Variants in PHF24 observed in about 807,000 individuals in gnomAD.
PHF24 encodes the protein Galpha inhibitory interacting protein.
PHF24 carries 25 observed loss-of-function variants against 42.6 expected under a neutral mutation model. The ratio of observed to expected loss-of-function variants is 0.59; its 90% CI spans 0.43 to 0.82. PHF24 has a LOEUF of 0.82. Ranked by LOEUF, PHF24 falls within the 40% of genes least tolerant of loss-of-function variation. The pLI is 0.00. For missense variants in PHF24, 470 were observed against 538.1 expected (o/e 0.87, Z 1.25); for synonymous variants, 185 against 204.8 (o/e 0.90, Z 0.83).
chr9:34,972,488 C>G (rs745628243), exon 3 of PHF24: 2 of 1,613,290 alleles, frequency 1.2e-6, no homozygotes, highest in Non-Finnish European at 8.5e-7. Context: ...GCGGAGGTGA[C>G]GGAGATGGCC....
At chr9:34,796,058 C>G in the PHF24 span, among the ~76,000 whole-genome samples, 2 of 150,966 alleles carry the variant, frequency 1.3e-5, no homozygotes, top group Non-Finnish European at 3.0e-5. Context: ...TAGAAATAGA[C>G]CTACACAAAT....
At chr9:34,868,805 T>C in the PHF24 span, among the ~76,000 whole-genome samples, 3 of 152,168 alleles carry the variant, frequency 2.0e-5, no homozygotes, top group Non-Finnish European at 2.9e-5. Context: ...GCAGGTTCGT[T>C]ACATAGGTAA....
chr9:34,730,826 C>A, the PHF24 span, among the ~76,000 whole-genome samples: 1 of 152,184 alleles, frequency 6.6e-6, no homozygotes. Context: ...CTTACCAGCT[C>A]ATGCTGAATC....
the PHF24 span, among the ~76,000 whole-genome samples, chr9:34,848,937 C>G: frequency 6.6e-6 from 1 of 152,080 alleles, no homozygotes; most frequent in African/African-American, 2.4e-5. Context: ...ATTGTGAGTT[C>G]TAGTTTGATT....
the PHF24 span, among the ~76,000 whole-genome samples, chr9:34,737,081 G>T: frequency 6.6e-6 from 1 of 152,136 alleles, no homozygotes; most frequent in East Asian, 1.9e-4. Flanking sequence ...CTATTTTAAA[G>T]TGTGTAATTC....
rs930321050 is a variant in PHF24 at position 34,971,399 on chromosome 9, T to C, written c.101T>C (p.Ile34Thr). 3.7e-6 allele frequency: 6 copies of C among 1,614,000 alleles called. No homozygotes were observed. In the African/African-American group the frequency reaches 5.3e-5, roughly 14 times the overall value. Residue 34 changes from isoleucine (I) to threonine (T), a missense_variant, in exon 2 of 8, where the codon ATC (isoleucine) becomes ACC (threonine). Coordinates refer to ENST00000242315, the Ensembl canonical transcript of PHF24. The stretch of plus-strand genomic sequence containing the variant: ...GATGGGCTGCGGGACAGGCCTTCCA[T>C]CCGACGCACAGGTGAGCTGCCAGGG...
chr9:34,764,949 C>T, the PHF24 span, among the ~76,000 whole-genome samples: 2 of 151,826 alleles, frequency 1.3e-5, no homozygotes, highest in Admixed American at 6.6e-5. Flanking sequence ...GCCTTCATTT[C>T]GTTATGTACC....
chr9:34,798,718 T>C, the PHF24 span, among the ~76,000 whole-genome samples: 1 of 152,232 alleles, frequency 6.6e-6, no homozygotes, highest in Non-Finnish European at 1.5e-5. Flanking sequence ...CATTTTTCTA[T>C]GGGTATATAC....
intron 1 of PHF24, 110 bp from the exon 2 acceptor site, chr9:34,971,185 C>T: frequency 8.2e-7 from 1 of 1,225,850 alleles, no homozygotes; most frequent in South Asian, 1.6e-5. Flanking sequence ...CCACCATGTT[C>T]TAGAAGAGGG....
At chr9:34,837,280 A>G in the PHF24 span, among the ~76,000 whole-genome samples, 1 of 152,298 alleles carries the variant, frequency 6.6e-6, no homozygotes, top group Non-Finnish European at 1.5e-5. Flanking sequence ...AGTGTAATGA[A>G]TCATGACTTG....
rs943783486 is a variant in PHF24 at position 34,958,845 on chromosome 9, C to G, written c.-5+444C>G. Among the ~76,000 whole-genome samples, 1 of 152,150 alleles carries G rather than the reference C, an allele frequency of 6.6e-6. No individual in the cohort carries two copies. Among genetic ancestry groups the G allele is most frequent in the Non-Finnish European group, 1.5e-5 (1 of 67,994 alleles). On this transcript the variant is annotated intron_variant, in intron 1 of 7. Transcript: ENST00000242315. This position sits in a 1 kb window ranked among gnomAD's most constrained non-coding sequence, Gnocchi z 4.5. ...GAAAAGGAGGACCTGAGACTGTGCC[C>G]TAGAACTGTGGGAAGCAACCTCTGA...
chr9:34,741,282 A>C, the PHF24 span, among the ~76,000 whole-genome samples: 1 of 152,224 alleles, frequency 6.6e-6, no homozygotes, highest in Non-Finnish European at 1.5e-5. Flanking sequence ...GCTGGCTACT[A>C]GACAGGTAGA....
the PHF24 span, among the ~76,000 whole-genome samples, chr9:34,690,637 C>T: frequency 6.6e-6 from 1 of 152,128 alleles, no homozygotes; most frequent in East Asian, 1.9e-4. Flanking sequence ...ACCCCAACCT[C>T]TCTCCCAGGA....
the PHF24 span, chr9:34,838,228 T>G: frequency 1.6e-6 from 1 of 620,142 alleles, no homozygotes; most frequent in Non-Finnish European, 2.9e-6. Context: ...TAAAAGTAAC[T>G]AAAGGTATGG....
the PHF24 span, among the ~76,000 whole-genome samples, chr9:34,761,058 G>A: frequency 2.6e-5 from 4 of 152,054 alleles, no homozygotes; most frequent in Non-Finnish European, 5.9e-5. Flanking sequence ...ATCTCTGGGA[G>A]GCTTGTTAAA....
chr9:34,761,564 G>T, the PHF24 span, among the ~76,000 whole-genome samples: 1 of 152,154 alleles, frequency 6.6e-6, no homozygotes, highest in Non-Finnish European at 1.5e-5. Flanking sequence ...AAAAGATGTA[G>T]AACATATATG....
the PHF24 span, among the ~76,000 whole-genome samples, chr9:34,677,389 G>GTTTTTTTTTTTTTTTTTTTTT: frequency 6.4e-4 from 51 of 79,770 alleles, 3 homozygotes; most frequent in African/African-American, 8.6e-4. Flanking sequence ...TTTGTAAACT[G>GTTTTTTTTTTTTTTTTTTTTT]TTTTTTTTTT....
At chr9:34,822,014 T>G in the PHF24 span, among the ~76,000 whole-genome samples, 4 of 152,354 alleles carry the variant, frequency 2.6e-5, no homozygotes, top group East Asian at 1.9e-4. Flanking sequence ...TCAAGTAGTA[T>G]TATTCCACTT....
chr9:34,691,245 A>C, the PHF24 span: 1 of 924,034 alleles, frequency 1.1e-6, no homozygotes, highest in South Asian at 1.5e-5. Context: ...CAGGGGTGAA[A>C]TGCAAGGTGT....
Sources: allele counts gnomAD v4.1 joint callset (sites outside exome capture counted in the v4.1 genomes callset), GRCh38; gene constraint gnomAD v4.1.1; non-coding constraint Gnocchi (gnomAD v3.1); transcripts MANE v1.5; gene names NCBI Gene and HGNC (gene_info 2026-07-23, HGNC 2026-07-21).